The following SENP7 variants were observed in gnomAD, a reference collection of about 807,000 sequenced individuals.
The protein encoded by SENP7 is sentrin-specific protease 7.
In SENP7, 64 loss-of-function variants were observed where a neutral mutation model predicts 141.2. The ratio of observed to expected loss-of-function variants is 0.45; its 90% CI spans 0.37 to 0.56. The LOEUF is 0.56. Ranked by LOEUF, SENP7 falls within the 20% of genes least tolerant of loss-of-function variation. The pLI, the probability that SENP7 is intolerant of heterozygous loss-of-function variation, is 0.00. For synonymous variants in SENP7, 382 were observed against 426.4 expected (o/e 0.90, Z 1.28); for missense variants, 1,025 against 1,212.2 (o/e 0.85, Z 2.29).
At chr3:101,427,000 G>A (rs1024065222) in intron 4 of SENP7, among the ~76,000 whole-genome samples, 1 of 152,088 alleles carries the variant, frequency 6.6e-6, no homozygotes, top group African/African-American at 2.4e-5. Context: ...ATTCTATGAG[G>A]CCAGCATCAT....
chr3:101,373,416 A>T (rs568229025), intron 6 of SENP7, among the ~76,000 whole-genome samples: 1 of 152,180 alleles, frequency 6.6e-6, no homozygotes, highest in Non-Finnish European at 1.5e-5. Context: ...GTCCTCCCTG[A>T]AAGAATTATC....
rs57842838 is a variant in SENP7, at chr3:101,456,941, TTTTTGTTTTG to T, written c.284+2004_284+2013del. Among the ~76,000 whole-genome samples, 1,377 of 150,350 alleles carry T rather than the reference TTTTTGTTTTG, an allele frequency of 9.2e-3. 15 individuals carry two copies. The highest frequency in any genetic ancestry group is 0.027 in the African/African-American group (1,099 of 40,690). On this transcript the variant is annotated intron_variant, in intron 4 of 23. Transcript: ENST00000394095. ...TGCGCCTGGCCTTAATGATATAAGC[TTTTTGTTTTG>T]TTTTGTTTTGTTTTGTTTTGTTTTG...
chr3:101,421,720 C>T (rs574419488), intron 4 of SENP7, among the ~76,000 whole-genome samples: 101 of 152,120 alleles, frequency 6.6e-4, no homozygotes, highest in Non-Finnish European at 1.1e-3. Context: ...TAAAAATATC[C>T]GGCAACAGAA....
At chr3:101,375,127 T>C (rs2107458016) in intron 6 of SENP7, among the ~76,000 whole-genome samples, 1 of 151,950 alleles carries the variant, frequency 6.6e-6, no homozygotes, top group South Asian at 2.1e-4. Context: ...AAGTTAAACA[T>C]TGGCAAAAAT....
At chr3:101,471,309 G>A (rs1296831768) in intron 3 of SENP7, among the ~76,000 whole-genome samples, 2 of 152,114 alleles carry the variant, frequency 1.3e-5, no homozygotes, top group Admixed American at 1.3e-4. Context: ...CAGAGATATA[G>A]ACCAATGGAA....
chr3:101,325,892 A>C lies in SENP7; in HGVS notation c.*51T>G. On this transcript the variant is annotated 3_prime_UTR_variant, in exon 24 of 24. Transcript: ENST00000394095. ...GCTGGCTAACACAAATGCTGGTAAGAGGCTTTCCAGTAATCTTAGAGAACA... is the reference window on the plus strand; with the variant it reads ...GCTGGCTAACACAAATGCTGGTAAGCGGCTTTCCAGTAATCTTAGAGAACA... 6.7e-7 allele frequency: 1 copy of C among 1,503,134 alleles called. No individual in the cohort carries two copies. Among genetic ancestry groups the C allele is most frequent in the South Asian group, 1.4e-5 (1 of 73,576 alleles). 93.1% of individuals were successfully genotyped at this position (1,503,134 alleles called of 1,614,324 possible). A position where few individuals can be genotyped will look rare whatever the true frequency, so the allele number is the denominator to read the frequency against.
chr3:101,328,804 T>C (rs192717274), intron 20 of SENP7, 115 bp from the exon 21 acceptor site: 11 of 743,742 alleles, frequency 1.5e-5, no homozygotes, highest in South Asian at 7.2e-5. Flanking sequence ...GTAATAGTTA[T>C]CTTCATCATC....
At chr3:101,493,613 CAG>C (rs1261706897) in intron 3 of SENP7, among the ~76,000 whole-genome samples, 16 of 132,142 alleles carry the variant, frequency 1.2e-4, no homozygotes, top group Non-Finnish European at 3.3e-5. Context: ...AAACTTAAAA[CAG>C]AATTTATTTT....
At chr3:101,368,588 G>A (rs1310738718) in intron 7 of SENP7, among the ~76,000 whole-genome samples, 3 of 116,716 alleles carry the variant, frequency 2.6e-5, no homozygotes, top group Non-Finnish European at 3.5e-5. Context: ...GGTGGGGGGT[G>A]GGGGGAGGGG....
chr3:101,374,788 A>T (rs2060274286), intron 6 of SENP7, among the ~76,000 whole-genome samples: 1 of 151,624 alleles, frequency 6.6e-6, no homozygotes, highest in African/African-American at 2.4e-5. Context: ...AAAAAAAAAA[A>T]ATCAAAAATT....
At chr3:101,475,183 C>G (rs900026583) in intron 3 of SENP7, among the ~76,000 whole-genome samples, 2 of 152,254 alleles carry the variant, frequency 1.3e-5, no homozygotes, top group Middle Eastern at 3.4e-3. Context: ...TGCCATTTGA[C>G]CCAGCAATCC....
chr3:101,507,911 T>G (rs1469667081), intron 1 of SENP7, among the ~76,000 whole-genome samples: 1 of 151,782 alleles, frequency 6.6e-6, no homozygotes, highest in Non-Finnish European at 1.5e-5. Context: ...TAGCTGGGCA[T>G]GGTGGCACTC....
At chr3:101,475,530 A>G (rs2064180689) in intron 3 of SENP7, among the ~76,000 whole-genome samples, 1 of 152,130 alleles carries the variant, frequency 6.6e-6, no homozygotes. Context: ...GGAATAATAC[A>G]CACTGGAGCC....
intron 4 of SENP7, among the ~76,000 whole-genome samples, chr3:101,438,279 C>G (rs575920426): frequency 2.0e-4 from 30 of 152,288 alleles, no homozygotes; most frequent in African/African-American, 6.7e-4. Flanking sequence ...CTGGCATATT[C>G]TACAACATGA....
chr3:101,336,920 T>C (rs1361103299), intron 17 of SENP7, among the ~76,000 whole-genome samples: 1 of 152,218 alleles, frequency 6.6e-6, no homozygotes, highest in Non-Finnish European at 1.5e-5. Context: ...AATTAAATAG[T>C]CTGTCATTGG....
At chr3:101,327,942 T>C in intron 22 of SENP7, 126 bp from the exon 23 acceptor site, 1 of 671,862 alleles carries the variant, frequency 1.5e-6, no homozygotes, top group East Asian at 3.0e-5. Context: ...CCACACTGAA[T>C]TTTAGCAGTG....
At chr3:101,503,031 T>C (rs1436280732) in intron 1 of SENP7, among the ~76,000 whole-genome samples, 1 of 151,890 alleles carries the variant, frequency 6.6e-6, no homozygotes, top group Non-Finnish European at 1.5e-5. Context: ...AAAGAATTCA[T>C]AACCAGAATA....
intron 11 of SENP7, chr3:101,357,765 T>C: frequency 1.6e-6 from 1 of 630,696 alleles, no homozygotes; most frequent in Non-Finnish European, 2.9e-6. Context: ...AACTTTTAAA[T>C]GTAAAGAATG....
chr3:101,501,490 G>A (rs1463239807), intron 1 of SENP7, among the ~76,000 whole-genome samples: 79 of 152,216 alleles, frequency 5.2e-4, no homozygotes, highest in Non-Finnish European at 1.5e-4. Flanking sequence ...GGGGGAGGTA[G>A]AAGCAGGTGA....
Sources: allele counts gnomAD v4.1 joint callset (sites outside exome capture counted in the v4.1 genomes callset), GRCh38; gene constraint gnomAD v4.1.1; transcripts MANE v1.5; gene names NCBI Gene and HGNC (gene_info 2026-07-23, HGNC 2026-07-21).